The following UST variants were observed in gnomAD, a reference collection of about 807,000 sequenced individuals.
The protein encoded by UST is chondroitin sulfate 2-O-sulfotransferase.
A neutral mutation model predicts 45.6 loss-of-function variants in UST; 21 were observed. That is an observed-to-expected ratio of 0.46 (90% CI 0.33 to 0.66). The LOEUF is 0.66. Among genes scored for constraint, UST ranks in the 30% least tolerant of loss-of-function variants. The probability of loss-of-function intolerance (pLI) is 0.02; values close to 1 mark genes in which losing one functional copy is unlikely to be tolerated. For synonymous variants in UST, 215 were observed against 200.6 expected (o/e 1.07, Z -0.61); for missense variants, 463 against 512.4 (o/e 0.90, Z 0.93).
intron 1 of UST, among the ~76,000 whole-genome samples, chr6:148,884,401 G>C (rs1014996388): frequency 1.3e-5 from 2 of 150,708 alleles, no homozygotes; most frequent in Non-Finnish European, 3.0e-5. Flanking sequence ...AAGTAAATGA[G>C]TGTGCTATTT....
intron 1 of UST, among the ~76,000 whole-genome samples, chr6:148,767,513 G>A (rs146376758): frequency 0.011 from 1,719 of 152,188 alleles, 19 homozygotes; most frequent in Middle Eastern, 0.058. Context: ...ATTCGGTACC[G>A]TTTTACCGTT....
intron 7 of UST, among the ~76,000 whole-genome samples, chr6:149,035,870 T>C (rs911280575): frequency 2.0e-5 from 3 of 152,166 alleles, no homozygotes; most frequent in Non-Finnish European, 2.9e-5. Flanking sequence ...AATAGAGGTT[T>C]TGCTGGAAAA....
intron 7 of UST, among the ~76,000 whole-genome samples, chr6:149,039,571 A>G (rs914660680): frequency 1.1e-4 from 16 of 152,234 alleles, no homozygotes; most frequent in Non-Finnish European, 2.1e-4. Context: ...TACAAAGGAC[A>G]AAACACAGCC....
chr6:148,974,373 G>A (rs762631365), intron 5 of UST, among the ~76,000 whole-genome samples: 7 of 151,986 alleles, frequency 4.6e-5, no homozygotes, highest in Non-Finnish European at 8.8e-5. Flanking sequence ...CCTGGACATT[G>A]TGATGGTCTG....
chr6:148,919,526 G>A (rs1209054194), intron 2 of UST, among the ~76,000 whole-genome samples: 3 of 152,066 alleles, frequency 2.0e-5, no homozygotes, highest in African/African-American at 7.2e-5. Context: ...AGTCCAGCAG[G>A]GAAGAAGGTA....
intron 1 of UST, among the ~76,000 whole-genome samples, chr6:148,755,588 C>T (rs886346166): frequency 2.7e-5 from 4 of 150,806 alleles, no homozygotes; most frequent in East Asian, 1.9e-4. Flanking sequence ...ATCATGGGGG[C>T]GGTTAACCCC....
intron 7 of UST, among the ~76,000 whole-genome samples, chr6:149,030,840 A>G (rs377143108): frequency 2.6e-5 from 4 of 152,240 alleles, no homozygotes; most frequent in African/African-American, 9.6e-5. Flanking sequence ...CTGTTTGACA[A>G]CACCTGACGT....
chr6:148,975,903 G>GGAAGAAATCACA (rs1781006327), intron 5 of UST, among the ~76,000 whole-genome samples: 1 of 152,214 alleles, frequency 6.6e-6, no homozygotes, highest in South Asian at 2.1e-4. Flanking sequence ...TATAGGCAAT[G>GGAAGAAATCACA]GAAGAAATCA....
intron 7 of UST, among the ~76,000 whole-genome samples, chr6:149,052,858 G>C (rs1386014679): frequency 1.3e-5 from 2 of 152,166 alleles, no homozygotes; most frequent in Non-Finnish European, 2.9e-5. Flanking sequence ...TGCTTGCAAA[G>C]ACTCAATCTG....
At chr6:149,032,009 G>A (rs1250048413) in intron 7 of UST, among the ~76,000 whole-genome samples, 2 of 152,194 alleles carry the variant, frequency 1.3e-5, no homozygotes, top group East Asian at 3.9e-4. Context: ...GGAGAGCTGG[G>A]GCTTGGGCCA....
chr6:148,992,018 C>T (rs1169736905), intron 5 of UST, among the ~76,000 whole-genome samples: 1 of 152,132 alleles, frequency 6.6e-6, no homozygotes, highest in African/African-American at 2.4e-5. Context: ...TTTTTATTGT[C>T]GTAAGTATGG....
intron 7 of UST, among the ~76,000 whole-genome samples, chr6:149,049,409 C>G (rs1776446717): frequency 6.6e-6 from 1 of 152,128 alleles, no homozygotes; most frequent in African/African-American, 2.4e-5. Flanking sequence ...ACTAGAAAAA[C>G]TACGTGAGCA....
chr6:148,811,634 C>T (rs1173523357), intron 1 of UST, among the ~76,000 whole-genome samples: 2 of 152,186 alleles, frequency 1.3e-5, no homozygotes, highest in African/African-American at 2.4e-5. Context: ...TTGGGAGTCA[C>T]TTGGCTCACC....
At position 148,753,318 on chromosome 6, in the gene UST, G is replaced by A. The variant is rs111450166; in HGVS notation, c.247+5641G>A. 4.8e-3 allele frequency among the ~76,000 whole-genome samples: 730 copies of A among 152,132 alleles called. 8 individuals carry two copies. Among genetic ancestry groups the A allele is most frequent in the African/African-American group, 0.017 (698 of 41,496 alleles). On this transcript the variant is annotated intron_variant, in intron 1 of 7. Transcript: ENST00000367463. The stretch of plus-strand genomic sequence containing the variant: ...CCATCAACCCCAGTCCTAAGCAACC[G>A]CTAATTTACTTTCTGTCTGTATAGA...
At chr6:148,914,224 G>A (rs1225608454) in intron 2 of UST, among the ~76,000 whole-genome samples, 2 of 152,078 alleles carry the variant, frequency 1.3e-5, no homozygotes, top group African/African-American at 4.8e-5. Context: ...TTGCAATATT[G>A]TTAAATACAG....
intron 5 of UST, among the ~76,000 whole-genome samples, chr6:148,982,257 C>T (rs533639209): frequency 3.3e-4 from 50 of 152,198 alleles, no homozygotes; most frequent in African/African-American, 1.1e-3. Context: ...CACCACCACA[C>T]CTGGCTAATT....
intron 2 of UST, among the ~76,000 whole-genome samples, chr6:148,938,665 G>A (rs575263458): frequency 1.4e-3 from 211 of 152,082 alleles, no homozygotes; most frequent in African/African-American, 4.9e-3. Flanking sequence ...ATTATTGTCA[G>A]TTGTTGATCA....
chr6:149,042,979 CT>C (rs1443552765), intron 7 of UST, among the ~76,000 whole-genome samples: 4 of 114,236 alleles, frequency 3.5e-5, no homozygotes, highest in African/African-American at 1.2e-4. Flanking sequence ...TTCTTTCTTT[CT>C]TTCTTTCTTT....
chr6:148,810,219 C>G (rs1209729032), intron 1 of UST, among the ~76,000 whole-genome samples: 1 of 152,064 alleles, frequency 6.6e-6, no homozygotes, highest in Non-Finnish European at 1.5e-5. Context: ...GAGAGTGGAC[C>G]AGTAGCCATA....
Sources: allele counts gnomAD v4.1 joint callset (sites outside exome capture counted in the v4.1 genomes callset), GRCh38; gene constraint gnomAD v4.1.1; transcripts MANE v1.5; gene names NCBI Gene and HGNC (gene_info 2026-07-23, HGNC 2026-07-21).